The following SEPTIN9 variants were observed in gnomAD, a reference collection of about 807,000 sequenced individuals.
SEPTIN9 encodes the protein septin-9.
Under a neutral mutation model 56.6 loss-of-function variants are expected in SEPTIN9, and 13 were observed. The ratio of observed to expected loss-of-function variants is 0.23; its 90% CI spans 0.15 to 0.37. The LOEUF (loss-of-function observed/expected upper bound fraction) is 0.37. Ranked by LOEUF, SEPTIN9 falls within the 10% of genes least tolerant of loss-of-function variation. The pLI, the probability that SEPTIN9 is intolerant of heterozygous loss-of-function variation, is 1.00. For synonymous variants in SEPTIN9, 332 were observed against 334.1 expected (o/e 0.99, Z 0.07); for missense variants, 650 against 823.1 (o/e 0.79, Z 2.57).
In SEPTIN9 at chr17:77,482,616, C is replaced by A. The variant is rs999020198; in HGVS notation, c.913+281C>A. Reference sequence around the variant, plus strand: ...CCTGGAGCAGGTCCTGATGAGTGGTCGCTGCCTCTGAGCAATGACGTCAGC... The same window carrying A: ...CCTGGAGCAGGTCCTGATGAGTGGTAGCTGCCTCTGAGCAATGACGTCAGC... On this transcript the variant is annotated intron_variant, in intron 4 of 11. Coordinates refer to ENST00000427177, the MANE Select transcript of SEPTIN9 (RefSeq NM_001113491.2). 8.1e-5 allele frequency: 52 copies of A among 641,954 alleles called. No homozygotes were observed. In the Middle Eastern group the frequency reaches 1.4e-3, roughly 17 times the overall value. 39.8% of individuals were successfully genotyped at this position (641,954 alleles called of 1,614,324 possible). A position where few individuals can be genotyped will look rare whatever the true frequency, so the allele number is the denominator to read the frequency against.
chr17:77,429,177 AAGGCTGAGGCCGAGGCTG>A lies in SEPTIN9; in HGVS notation c.721+26486_721+26503del, dbSNP rs888656431. ...GTCTGCAGCTCCTGAGGCCAAGACC[AAGGCTGAGGCCGAGGCTG>A]AGGCTGAGGCCACCTTGGTGAGGAG... On this transcript the variant is annotated intron_variant, in intron 3 of 11. Transcript: ENST00000427177. The surrounding 1 kb of genome is among the most constrained non-coding windows in gnomAD (Gnocchi z 5.2). The A allele has an allele frequency of 6.4e-6, 3 of 472,072 alleles. No homozygotes were observed. Among genetic ancestry groups the A allele is most frequent in the African/African-American group, 4.0e-5 (2 of 50,108 alleles). The allele number at this position is 472,072 out of a possible 1,614,324, so 29.2% of individuals were successfully genotyped here. A position where few individuals can be genotyped will look rare whatever the true frequency, so the allele number is the denominator to read the frequency against.
rs1165070810 is a variant in SEPTIN9 at position 77,369,244 on chromosome 17, AAAAG to A, written c.77-32807_77-32804del. ...GTGAGACCCTGTCAAAAAAGAAAAG[AAAAG>A]AAAGAAATTGGCCAAGGCAGGAATA... On this transcript the variant is annotated intron_variant, in intron 2 of 11. Coordinates refer to ENST00000427177, the MANE Select transcript of SEPTIN9 (RefSeq NM_001113491.2). The surrounding 1 kb of genome is among the most constrained non-coding windows in gnomAD (Gnocchi z 4.9). 1.1e-4 allele frequency among the ~76,000 whole-genome samples: 17 copies of A among 152,132 alleles called. No individual in the cohort carries two copies. The highest frequency in any genetic ancestry group is 1.5e-4 in the Non-Finnish European group (10 of 68,024).
At chr17:77,486,519 T>TGCGC (rs1555679106) in intron 4 of SEPTIN9, among the ~76,000 whole-genome samples, 1 of 106,718 alleles carries the variant, frequency 9.4e-6, no homozygotes, top group Admixed American at 8.4e-5. Flanking sequence ...TGTGTGTGTG[T>TGCGC]GTGCGCGCAC....
intron 4 of SEPTIN9, among the ~76,000 whole-genome samples, chr17:77,486,960 G>A (rs1014079868): frequency 1.3e-5 from 2 of 152,308 alleles, no homozygotes; most frequent in African/African-American, 2.4e-5. Flanking sequence ...GGCCCTGGCC[G>A]GTCAGGGAGG....
At chr17:77,416,936 A>T (rs1388157382) in intron 3 of SEPTIN9, among the ~76,000 whole-genome samples, 2 of 152,204 alleles carry the variant, frequency 1.3e-5, no homozygotes, top group Non-Finnish European at 2.9e-5. Flanking sequence ...CTGTCTGGCC[A>T]TTTGGCATCT....
chr17:77,438,372 C>G (rs1016406946), intron 3 of SEPTIN9, among the ~76,000 whole-genome samples: 1 of 152,202 alleles, frequency 6.6e-6, no homozygotes, highest in Non-Finnish European at 1.5e-5. Context: ...CCCTCCAGGA[C>G]CTATGTCTTG....
At chr17:77,337,719 T>C in intron 2 of SEPTIN9, among the ~76,000 whole-genome samples, 1 of 152,214 alleles carries the variant, frequency 6.6e-6, no homozygotes, top group East Asian at 1.9e-4. Context: ...TACTTCCCCT[T>C]GTCTTACTTT....
chr17:77,392,792 C>T lies in SEPTIN9; in HGVS notation c.77-9267C>T, dbSNP rs1474756804. On this transcript the variant is annotated intron_variant, in intron 2 of 11. Transcript: ENST00000427177. The stretch of plus-strand genomic sequence containing the variant: ...TGATGTGGACTTTGCCTTCTGTTCA[C>T]GTTGTCCCTGTCCCTAAACAAATGT... Among the ~76,000 whole-genome samples the T allele has an allele frequency of 3.9e-5, 6 of 152,222 alleles. No homozygotes were observed. In the South Asian group the frequency reaches 1.2e-3, roughly 32 times the overall value.
rs574456014 is a variant in SEPTIN9, at chr17:77,368,788, C to T, written c.77-33271C>T. 2.6e-5 allele frequency among the ~76,000 whole-genome samples: 4 copies of T among 152,186 alleles called. No homozygotes were observed. The South Asian group carries it at 6.2e-4, about 24-fold the overall frequency. ...TATTTAAAACAAAAGATAATAAATA[C>T]ACAACTTTCATCACCTCTTAGGTTT... On this transcript the variant is annotated intron_variant, in intron 2 of 11. Transcript: ENST00000427177.
intron 2 of SEPTIN9, among the ~76,000 whole-genome samples, chr17:77,393,321 A>G (rs2035604379): frequency 6.6e-6 from 1 of 152,138 alleles, no homozygotes; most frequent in African/African-American, 2.4e-5. Flanking sequence ...GTTCTTGGCC[A>G]AGGACTGCAC....
intron 2 of SEPTIN9, among the ~76,000 whole-genome samples, chr17:77,387,425 C>G (rs145925623): frequency 2.6e-4 from 39 of 152,348 alleles, no homozygotes; most frequent in African/African-American, 9.4e-4. Flanking sequence ...AGACCCTATT[C>G]CAACTCCTGT....
chr17:77,442,537 G>A (rs545562475), intron 3 of SEPTIN9, among the ~76,000 whole-genome samples: 1 of 150,794 alleles, frequency 6.6e-6, no homozygotes, highest in African/African-American at 2.4e-5. Context: ...AAGAACTTAG[G>A]GCCCGTATAC....
chr17:77,389,103 G>A lies in SEPTIN9; in HGVS notation c.77-12956G>A, dbSNP rs953385822. Among the ~76,000 whole-genome samples, 2 of 152,162 alleles carry A rather than the reference G, an allele frequency of 1.3e-5. No homozygotes were observed. Among genetic ancestry groups the A allele is most frequent in the Non-Finnish European group, 2.9e-5 (2 of 68,014 alleles). On this transcript the variant is annotated intron_variant, in intron 2 of 11. Transcript: ENST00000427177. The surrounding 1 kb of genome is among the most constrained non-coding windows in gnomAD (Gnocchi z 4.3). The stretch of plus-strand genomic sequence containing the variant: ...CAGGTCCGGGTCCTGGTCCCCGGCA[G>A]AGCTTCCCATCCATGGGAAGAAGCA...
intron 3 of SEPTIN9, chr17:77,444,706 C>T: frequency 5.1e-6 from 1 of 194,794 alleles, no homozygotes; most frequent in Non-Finnish European, 1.1e-5. Flanking sequence ...TGGTGCGTGT[C>T]AGGCACTGCC....
chr17:77,481,280 G>A (rs576348171), intron 3 of SEPTIN9, among the ~76,000 whole-genome samples: 4 of 152,360 alleles, frequency 2.6e-5, no homozygotes, highest in African/African-American at 7.2e-5. Context: ...TCAGCTCCAC[G>A]TGCCCCACAT....
rs113945264 is a variant in SEPTIN9, at chr17:77,443,658, G to A, written c.722-38486G>A. On this transcript the variant is annotated intron_variant, in intron 3 of 11. Transcript: ENST00000427177. ...AAATACAAAAAAAAATTAGCTTGGCGTGGCGGCGCATGCTTGTAATCCCAG... is the reference window on the plus strand; with the variant it reads ...AAATACAAAAAAAAATTAGCTTGGCATGGCGGCGCATGCTTGTAATCCCAG... Among the ~76,000 whole-genome samples the A allele has an allele frequency of 9.5e-3, 1,441 of 152,070 alleles. 18 individuals carry two copies. The highest frequency in any genetic ancestry group is 0.033 in the African/African-American group (1,348 of 41,436).
At chr17:77,495,306 A>G (rs1031641702) in intron 10 of SEPTIN9, among the ~76,000 whole-genome samples, 3 of 152,338 alleles carry the variant, frequency 2.0e-5, no homozygotes, top group South Asian at 2.1e-4. Flanking sequence ...GCAGTCTTAT[A>G]TGAGGACCCT....
At chr17:77,301,328 G>A (rs1301438951) in intron 1 of SEPTIN9, among the ~76,000 whole-genome samples, 1 of 151,824 alleles carries the variant, frequency 6.6e-6, no homozygotes, top group African/African-American at 2.4e-5. Flanking sequence ...AACTGCTGAG[G>A]TTACAGGTGT....
At position 77,482,247 on chromosome 17, in the gene SEPTIN9, C is replaced by T; in HGVS notation, c.825C>T (p.Asp275=). 1 of 1,613,154 alleles carries T rather than the reference C, an allele frequency of 6.2e-7. No homozygotes were observed. The highest frequency in any genetic ancestry group is 1.1e-5 in the South Asian group (1 of 91,078). Residue 275 remains aspartate, a synonymous_variant, in exon 4 of 12, where the codon GAC becomes GAT. Transcript: ENST00000427177. ...CACGGAACGAGAAGGCCCCGGTGGA[C>T]TTCGGCTACGTGGGGATTGACTCCA... The part of the protein sequence containing the change: ...PASRNEKAPV[D]FGYVGIDSIL...
Sources: gnomAD v4.1 joint callset for allele counts (sites outside exome capture counted in the v4.1 genomes callset) on GRCh38, gnomAD v4.1.1 for gene constraint, Gnocchi (gnomAD v3.1) non-coding constraint, MANE v1.5 for transcripts, NCBI Gene and HGNC (gene_info 2026-07-23, HGNC 2026-07-21) for gene names.